IL1R1: variants seen among roughly 807,000 people sequenced by gnomAD.
The protein encoded by IL1R1 is interleukin-1 receptor type 1.
In IL1R1, 22 loss-of-function variants were observed where a neutral mutation model predicts 50.2. That is an observed-to-expected ratio of 0.44 (90% confidence interval 0.31 to 0.63). The LOEUF (loss-of-function observed/expected upper bound fraction) is 0.63, where lower values mean the gene tolerates loss of function less well. Ranked by LOEUF, IL1R1 falls within the 20% of genes least tolerant of loss-of-function variation. The probability of loss-of-function intolerance (pLI) is 0.07; values close to 1 mark genes in which losing one functional copy is unlikely to be tolerated. For synonymous variants in IL1R1, 251 were observed against 236.7 expected (o/e 1.06, Z -0.55); for missense variants, 509 against 676.2 (o/e 0.75, Z 2.74).
chr2:102,124,259 T>G (rs961770299), intron 1 of IL1R1, among the ~76,000 whole-genome samples: 4 of 151,914 alleles, frequency 2.6e-5, no homozygotes, highest in African/African-American at 9.7e-5. Context: ...CCATCTCTAC[T>G]AAAAATAGAA....
intron 1 of IL1R1, among the ~76,000 whole-genome samples, chr2:102,120,612 G>A (rs1454576258): frequency 1.3e-5 from 2 of 152,220 alleles, no homozygotes; most frequent in African/African-American, 4.8e-5. Context: ...GGCATAAAAT[G>A]TGGGGCTCAG....
intron 1 of IL1R1, among the ~76,000 whole-genome samples, chr2:102,110,600 C>G (rs531550242): frequency 3.0e-4 from 46 of 151,216 alleles, no homozygotes; most frequent in African/African-American, 1.1e-3. Context: ...ATTTTCCTAT[C>G]TCGTATCATG....
Position 102,143,007 on chromosome 2 carries a change from G to C in IL1R1, c.-97G>C, listed in dbSNP as rs777284389. 1 of 152,528 alleles carries C rather than the reference G, an allele frequency of 6.6e-6. No homozygotes were observed. Among genetic ancestry groups the C allele is most frequent in the Non-Finnish European group, 1.5e-5 (1 of 68,338 alleles). The allele number at this position is 152,528 out of a possible 1,614,324, so 9.4% of individuals were successfully genotyped here. On this transcript the variant is annotated 5_prime_UTR_variant, in exon 1 of 12. Transcript: ENST00000410023. Reference sequence around the variant, plus strand: ...GGGCTGGGATCCCATCACCCTCCACGGCCGTCCGTCCAGGTACGGGGAAGC... The same window carrying C: ...GGGCTGGGATCCCATCACCCTCCACCGCCGTCCGTCCAGGTACGGGGAAGC...
At chr2:102,134,132 T>C (rs969777380) in intron 1 of IL1R1, among the ~76,000 whole-genome samples, 1 of 152,160 alleles carries the variant, frequency 6.6e-6, no homozygotes, top group African/African-American at 2.4e-5. Flanking sequence ...GCCTTCACAA[T>C]AGCATCCAGT....
chr2:102,132,297 A>T (rs909323370), intron 1 of IL1R1, among the ~76,000 whole-genome samples: 3 of 151,994 alleles, frequency 2.0e-5, no homozygotes, highest in African/African-American at 7.2e-5. Context: ...AATGAAAATT[A>T]TTTAAACAGA....
At chr2:102,089,073 G>A (rs1384480862) in intron 1 of IL1R1, among the ~76,000 whole-genome samples, 1 of 152,192 alleles carries the variant, frequency 6.6e-6, no homozygotes, top group African/African-American at 2.4e-5. Flanking sequence ...GATCATTTGT[G>A]TGTTCACTGG....
At chr2:102,159,895 A>G in intron 3 of IL1R1, among the ~76,000 whole-genome samples, 1 of 152,194 alleles carries the variant, frequency 6.6e-6, no homozygotes, top group East Asian at 1.9e-4. Flanking sequence ...TTATAAAGCT[A>G]CAAACCCTGC....
intron 1 of IL1R1, among the ~76,000 whole-genome samples, chr2:102,074,989 A>G (rs1315167279): frequency 6.6e-6 from 1 of 152,158 alleles, no homozygotes; most frequent in Non-Finnish European, 1.5e-5. Context: ...TTCTATATGT[A>G]TATATATGTG....
At chr2:102,162,882 C>T (rs1443125979) in intron 3 of IL1R1, among the ~76,000 whole-genome samples, 2 of 152,008 alleles carry the variant, frequency 1.3e-5, no homozygotes, top group Admixed American at 1.3e-4. Flanking sequence ...GATTCATTTT[C>T]ATCTTATAAT....
intron 1 of IL1R1, among the ~76,000 whole-genome samples, chr2:102,112,480 C>A (rs1013786799): frequency 6.6e-6 from 1 of 151,994 alleles, no homozygotes; most frequent in East Asian, 1.9e-4. Context: ...CAGCTCACCC[C>A]CTTCAGTGAG....
At position 102,076,300 on chromosome 2, in the gene IL1R1, C is replaced by T. The variant is rs188311458; in HGVS notation, c.-84+5767C>T. On this transcript the variant is annotated intron_variant, in intron 1 of 11. Coordinates refer to the IL1R1 transcript ENST00000409929. The stretch of plus-strand genomic sequence containing the variant: ...TCACACCATTCTCCTGCCTCAGCCT[C>T]CCAAGTAGCTGGGACTACAGGCGCC... 3.4e-3 allele frequency among the ~76,000 whole-genome samples: 521 copies of T among 152,090 alleles called. 2 individuals are homozygous for T. Among genetic ancestry groups the T allele is most frequent in the African/African-American group, 0.012 (503 of 41,470 alleles).
intron 1 of IL1R1, among the ~76,000 whole-genome samples, chr2:102,127,383 G>T (rs1681773561): frequency 6.6e-6 from 1 of 152,138 alleles, no homozygotes; most frequent in Non-Finnish European, 1.5e-5. Context: ...GAAATCAAGT[G>T]CAAGAACCTT....
At chr2:102,134,241 T>G (rs1332782938) in intron 1 of IL1R1, among the ~76,000 whole-genome samples, 1 of 121,694 alleles carries the variant, frequency 8.2e-6, no homozygotes, top group African/African-American at 3.5e-5. Context: ...GCCCACGATG[T>G]GCCTGGCACT....
chr2:102,149,984 T>C (rs1450954377), intron 1 of IL1R1, among the ~76,000 whole-genome samples: 1 of 152,108 alleles, frequency 6.6e-6, no homozygotes, highest in African/African-American at 2.4e-5. Context: ...GAAGTGGACC[T>C]CCAGCAGGTT....
chr2:102,171,803 T>C lies in IL1R1; in HGVS notation c.724T>C (p.Ser242Pro). Reference protein sequence around the residue: ...ANETMEVDLGSQIQLICNVTG... With the variant: ...ANETMEVDLGPQIQLICNVTG... ...GATTAAAAATACATTCTTTGCAGGA[T>C]CCCAGATACAATTGATCTGTAATGT... The change falls in exon 8 of 12, where the codon TCC (serine) becomes CCC (proline). Residue 242 changes from serine to proline, a missense_variant and splice_region_variant. Transcript: ENST00000410023. 1 of 1,559,238 alleles carries C rather than the reference T, an allele frequency of 6.4e-7. No individual in the cohort carries two copies. The highest frequency in any genetic ancestry group is 8.8e-7 in the Non-Finnish European group (1 of 1,134,284).
At chr2:102,152,891 T>C (rs1334305077) in intron 1 of IL1R1, among the ~76,000 whole-genome samples, 1 of 152,126 alleles carries the variant, frequency 6.6e-6, no homozygotes, top group East Asian at 1.9e-4. Context: ...GAAAATACTT[T>C]GTGTTGAACT....
chr2:102,129,190 GAC>G (rs1577912748), intron 1 of IL1R1, among the ~76,000 whole-genome samples: 2 of 152,132 alleles, frequency 1.3e-5, no homozygotes, highest in South Asian at 2.1e-4. Context: ...CAGCCTGGGT[GAC>G]AGAGTGAGAC....
At chr2:102,105,600 G>T (rs375336927) in intron 1 of IL1R1, among the ~76,000 whole-genome samples, 16 of 152,108 alleles carry the variant, frequency 1.1e-4, no homozygotes, top group African/African-American at 2.2e-4. Flanking sequence ...TCCTGACCTC[G>T]TGATCCACCT....
At chr2:102,124,386 C>T (rs1182397661) in intron 1 of IL1R1, among the ~76,000 whole-genome samples, 1 of 151,968 alleles carries the variant, frequency 6.6e-6, no homozygotes, top group African/African-American at 2.4e-5. Context: ...CGCCACTGCA[C>T]TCCAGCCTGG....
Sources: gnomAD v4.1 joint callset for allele counts (sites outside exome capture counted in the v4.1 genomes callset) on GRCh38, gnomAD v4.1.1 for gene constraint, MANE v1.5 for transcripts, NCBI Gene and HGNC (gene_info 2026-07-23, HGNC 2026-07-21) for gene names.